The following PARD3B variants were observed in gnomAD, a reference collection of about 807,000 sequenced individuals.
The protein encoded by PARD3B is partitioning defective 3 homolog B.
A neutral mutation model predicts 130.2 loss-of-function variants in PARD3B; 103 were observed. The ratio of observed to expected loss-of-function variants is 0.79; its 90% CI spans 0.67 to 0.93. The LOEUF (loss-of-function observed/expected upper bound fraction) is 0.93, where lower values mean the gene tolerates loss of function less well. Ranked by LOEUF, PARD3B falls within the 40% of genes least tolerant of loss-of-function variation. PARD3B has a pLI of 0.00. For synonymous variants in PARD3B, 583 were observed against 553.2 expected (o/e 1.05, Z -0.76); for missense variants, 1,609 against 1,499.2 (o/e 1.07, Z -1.21).
chr2:205,583,405 G>GCA (rs1559241065), intron 22 of PARD3B, among the ~76,000 whole-genome samples: 7 of 80,450 alleles, frequency 8.7e-5, no homozygotes, highest in East Asian at 9.9e-4. Context: ...GTGTGTGCGC[G>GCA]CGCACGCGCG....
chr2:205,073,179 T>G (rs1700844332), intron 4 of PARD3B, among the ~76,000 whole-genome samples: 1 of 152,192 alleles, frequency 6.6e-6, no homozygotes, highest in Non-Finnish European at 1.5e-5. Flanking sequence ...TGGTTATTTG[T>G]GTGAATTAAA....
chr2:205,013,387 A>C (rs1172556742), intron 3 of PARD3B, among the ~76,000 whole-genome samples: 1 of 152,150 alleles, frequency 6.6e-6, no homozygotes, highest in African/African-American at 2.4e-5. Context: ...ACTTGTATAT[A>C]AATGTCATTA....
intron 2 of PARD3B, among the ~76,000 whole-genome samples, chr2:204,876,504 A>G (rs556645841): frequency 6.6e-6 from 1 of 152,340 alleles, no homozygotes; most frequent in Admixed American, 6.5e-5. Context: ...CAGACACCCC[A>G]TGCTACTCTA....
intron 20 of PARD3B, among the ~76,000 whole-genome samples, chr2:205,484,110 G>A (rs934362801): frequency 2.0e-5 from 3 of 152,052 alleles, no homozygotes; most frequent in African/African-American, 7.2e-5. Context: ...GCAGAATTCG[G>A]GAAACAAGGA....
chr2:205,386,436 A>G (rs1297920836), intron 18 of PARD3B, among the ~76,000 whole-genome samples: 1 of 152,164 alleles, frequency 6.6e-6, no homozygotes, highest in Admixed American at 6.5e-5. Context: ...AATCTGATCA[A>G]ATCAGATGGC....
intron 2 of PARD3B, among the ~76,000 whole-genome samples, chr2:204,694,832 C>A (rs767316462): frequency 1.3e-5 from 2 of 151,964 alleles, no homozygotes; most frequent in Non-Finnish European, 2.9e-5. Context: ...AATCTGTGCA[C>A]AGATGTATGT....
chr2:205,282,610 T>G (rs2041234203), intron 16 of PARD3B, among the ~76,000 whole-genome samples: 1 of 148,442 alleles, frequency 6.7e-6, no homozygotes, highest in South Asian at 2.2e-4. Flanking sequence ...AGAAACTTTC[T>G]TAAGAATTTG....
At chr2:205,425,996 AT>A (rs778182669) in intron 19 of PARD3B, among the ~76,000 whole-genome samples, 1 of 152,094 alleles carries the variant, frequency 6.6e-6, no homozygotes, top group African/African-American at 2.4e-5. Flanking sequence ...TATATGTATT[AT>A]TTTTTTATTT....
intron 3 of PARD3B, among the ~76,000 whole-genome samples, chr2:205,017,841 G>A (rs1204507415): frequency 1.3e-5 from 2 of 152,162 alleles, no homozygotes; most frequent in African/African-American, 4.8e-5. Context: ...ACAGAACAGT[G>A]AGGTCAAGGG....
chr2:204,833,870 T>C (rs2043926396), intron 2 of PARD3B, among the ~76,000 whole-genome samples: 1 of 152,104 alleles, frequency 6.6e-6, no homozygotes, highest in Non-Finnish European at 1.5e-5. Flanking sequence ...TCCAGGGCCG[T>C]TAACGTGACC....
chr2:204,811,749 A>G (rs955625348), intron 2 of PARD3B, among the ~76,000 whole-genome samples: 1 of 152,082 alleles, frequency 6.6e-6, no homozygotes, highest in African/African-American at 2.4e-5. Context: ...CTTACTGTCA[A>G]TCTCTAAAGC....
intron 18 of PARD3B, among the ~76,000 whole-genome samples, chr2:205,376,445 C>T (rs931138749): frequency 1.4e-5 from 2 of 138,328 alleles, no homozygotes; most frequent in African/African-American, 2.6e-5. Context: ...CCTTGAGCAG[C>T]GATGATGTCT....
intron 15 of PARD3B, among the ~76,000 whole-genome samples, chr2:205,243,346 T>C (rs1023481100): frequency 6.6e-6 from 1 of 152,220 alleles, no homozygotes; most frequent in African/African-American, 2.4e-5. Flanking sequence ...TGCATATATT[T>C]GCACATGTAA....
At chr2:204,870,947 A>T (rs1023367631) in intron 2 of PARD3B, among the ~76,000 whole-genome samples, 1 of 152,162 alleles carries the variant, frequency 6.6e-6, no homozygotes, top group Non-Finnish European at 1.5e-5. Context: ...AATTGTTTGA[A>T]AATATTTTTA....
intron 1 of PARD3B, among the ~76,000 whole-genome samples, chr2:204,619,600 G>A (rs1462702670): frequency 1.3e-5 from 2 of 152,062 alleles, no homozygotes; most frequent in East Asian, 1.9e-4. Context: ...GATTGCAGAG[G>A]TGTTGCTTTA....
chr2:205,497,857 G>T (rs1575167672), intron 20 of PARD3B, among the ~76,000 whole-genome samples: 1 of 152,182 alleles, frequency 6.6e-6, no homozygotes, highest in South Asian at 2.1e-4. Flanking sequence ...ATATGCTTCT[G>T]TCATTATTAG....
chr2:204,969,230 A>G (rs917221686), intron 3 of PARD3B, among the ~76,000 whole-genome samples: 2 of 152,210 alleles, frequency 1.3e-5, no homozygotes, highest in African/African-American at 4.8e-5. Flanking sequence ...GTGAAACCCC[A>G]TGGTTCTTCT....
chr2:204,996,675 C>G (rs937375552), intron 3 of PARD3B, among the ~76,000 whole-genome samples: 2 of 149,966 alleles, frequency 1.3e-5, no homozygotes, highest in Admixed American at 6.7e-5. Flanking sequence ...CGCCCCTCCC[C>G]CAGCCTCGTT....
At chr2:204,975,928 A>C (rs1692099043) in intron 3 of PARD3B, among the ~76,000 whole-genome samples, 2 of 152,276 alleles carry the variant, frequency 1.3e-5, no homozygotes, top group Admixed American at 1.3e-4. Flanking sequence ...CATTACCTTT[A>C]AAAACTTAAA....
Sources: allele counts gnomAD v4.1 joint callset (sites outside exome capture counted in the v4.1 genomes callset), GRCh38; gene constraint gnomAD v4.1.1; transcripts MANE v1.5; gene names NCBI Gene and HGNC (gene_info 2026-07-23, HGNC 2026-07-21).